Variants in MTUS2 observed in about 807,000 individuals in gnomAD.
MTUS2 encodes microtubule associated scaffold protein 2, also known as microtubule-associated tumor suppressor candidate 2.
Under a neutral mutation model 114.1 loss-of-function variants are expected in MTUS2, and 40 were observed. The ratio of observed to expected loss-of-function variants is 0.35; its 90% CI spans 0.27 to 0.46. The LOEUF is 0.46. MTUS2 is among the 20% of genes least tolerant of loss of function. The pLI is 1.00. For synonymous variants in MTUS2, 688 were observed against 672.0 expected (o/e 1.02, Z -0.37); for missense variants, 1,679 against 1,705.4 (o/e 0.98, Z 0.27).
intron 2 of MTUS2, among the ~76,000 whole-genome samples, chr13:28,941,947 G>GC (rs1446478281): frequency 3.3e-5 from 5 of 152,122 alleles, no homozygotes; most frequent in African/African-American, 1.2e-4. Flanking sequence ...AAATGTTGAT[G>GC]CATTTCATTG....
intron 7 of MTUS2, among the ~76,000 whole-genome samples, chr13:29,327,034 C>A (rs960440980): frequency 6.6e-6 from 1 of 151,982 alleles, no homozygotes; most frequent in Non-Finnish European, 1.5e-5. Flanking sequence ...AGACTGTGTT[C>A]CCTTATTAAA....
chr13:29,034,892 G>T (rs945155510), intron 4 of MTUS2, among the ~76,000 whole-genome samples: 1 of 152,132 alleles, frequency 6.6e-6, no homozygotes, highest in Non-Finnish European at 1.5e-5. Flanking sequence ...CTTGAATTAT[G>T]CACCTTTGAA....
At chr13:29,048,913 G>GCC (rs1292531010) in intron 4 of MTUS2, among the ~76,000 whole-genome samples, 1 of 152,200 alleles carries the variant, frequency 6.6e-6, no homozygotes, top group Non-Finnish European at 1.5e-5. Context: ...ACCATGCTTA[G>GCC]CCCCCATAGT....
At chr13:29,232,299 C>T (rs1261867624) in intron 5 of MTUS2, among the ~76,000 whole-genome samples, 1 of 5,256 alleles carries the variant, frequency 1.9e-4, no homozygotes, top group Non-Finnish European at 3.7e-4. Context: ...CACACACACG[C>T]GCGCGCGCAC....
At chr13:29,200,935 A>C (rs957214554) in intron 5 of MTUS2, among the ~76,000 whole-genome samples, 2 of 152,194 alleles carry the variant, frequency 1.3e-5, no homozygotes, top group Admixed American at 6.5e-5. Context: ...CCAATTAAGT[A>C]GTCAATTTTA....
intron 8 of MTUS2, among the ~76,000 whole-genome samples, chr13:29,407,447 CTTATTTATTTAT>C (rs199911224): frequency 5.2e-3 from 724 of 139,392 alleles, no homozygotes; most frequent in African/African-American, 0.014. Flanking sequence ...AGTGATTGTA[CTTATTTATTTAT>C]TTATTTATTT....
chr13:29,269,509 A>G (rs1897795201), intron 5 of MTUS2, among the ~76,000 whole-genome samples: 1 of 152,234 alleles, frequency 6.6e-6, no homozygotes, highest in Admixed American at 6.5e-5. Context: ...CACCACAAAG[A>G]TAACATTTAA....
chr13:28,860,673 C>G (rs1181451248), intron 2 of MTUS2, among the ~76,000 whole-genome samples: 1 of 152,196 alleles, frequency 6.6e-6, no homozygotes, highest in Admixed American at 6.5e-5. Context: ...CTCCCATCCA[C>G]CTCAGATGTT....
chr13:28,906,095 G>A lies in MTUS2; in HGVS notation c.-243+66245G>A, dbSNP rs746900482. Among the ~76,000 whole-genome samples the A allele has an allele frequency of 6.3e-4, 95 of 151,422 alleles. 1 individual carries two copies. Among genetic ancestry groups the A allele is most frequent in the Non-Finnish European group, 1.1e-3 (77 of 67,896 alleles). Reference sequence around the variant, plus strand: ...AGTTTATATTTCTGTGGGATTGGTGGTGATATCCCCTTTATTATTTTTTAT... The same window carrying A: ...AGTTTATATTTCTGTGGGATTGGTGATGATATCCCCTTTATTATTTTTTAT... On this transcript the variant is annotated intron_variant, in intron 2 of 15. Coordinates refer to ENST00000612955, the MANE Select transcript of MTUS2 (RefSeq NM_001033602.4).
Position 29,495,708 on chromosome 13 carries a change from T to C in MTUS2, c.3580-1530T>C, listed in dbSNP as rs1275300814. On this transcript the variant is annotated intron_variant, in intron 12 of 15. Coordinates refer to ENST00000612955, the MANE Select transcript of MTUS2 (RefSeq NM_001033602.4). ...CAACATGGCAAAACCCCATCTCTAC[T>C]AAAAATACAAACATTAGCTGGGTGT... Among the ~76,000 whole-genome samples the C allele has an allele frequency of 4.6e-5, 7 of 151,644 alleles. No individual in the cohort carries two copies. The East Asian group carries it at 1.2e-3, about 26-fold the overall frequency.
At chr13:29,407,555 G>A (rs1001729719) in intron 8 of MTUS2, among the ~76,000 whole-genome samples, 3 of 151,640 alleles carry the variant, frequency 2.0e-5, no homozygotes, top group Non-Finnish European at 4.4e-5. Flanking sequence ...TTGGCTCACT[G>A]CAGCCTCTGC....
intron 5 of MTUS2, among the ~76,000 whole-genome samples, chr13:29,105,566 C>G (rs1203765155): frequency 2.0e-5 from 3 of 151,818 alleles, no homozygotes; most frequent in African/African-American, 7.3e-5. Flanking sequence ...GCCATGTTTT[C>G]TCCATGGGAT....
In MTUS2 at chr13:28,905,936, G is replaced by GTAA. The variant is rs1287219212; in HGVS notation, c.-243+66087_-243+66088insAAT. Among the ~76,000 whole-genome samples, 5 of 151,728 alleles carry GTAA rather than the reference G, an allele frequency of 3.3e-5. No individual in the cohort carries two copies. The South Asian group carries it at 8.3e-4, about 25-fold the overall frequency. The stretch of plus-strand genomic sequence containing the variant: ...GATTATTGCCACAATTTCAGAGCCT[G>GTAA]TTATTGGTCTATTCAGAGATGCAAC... On this transcript the variant is annotated intron_variant, in intron 2 of 15. Transcript: ENST00000612955.
chr13:29,367,798 GT>G (rs1870848271), intron 8 of MTUS2, among the ~76,000 whole-genome samples: 1 of 151,696 alleles, frequency 6.6e-6, no homozygotes, highest in Non-Finnish European at 1.5e-5. Flanking sequence ...GCTCAGAAAT[GT>G]TTAAAGGGGT....
chr13:29,284,949 A>G (rs111475818), intron 6 of MTUS2, among the ~76,000 whole-genome samples: 2,885 of 152,276 alleles, frequency 0.019, 99 homozygotes, highest in African/African-American at 0.065. Context: ...TCCTTGAAGA[A>G]CCAGCTGTTT....
chr13:29,356,245 G>T (rs748185877), intron 7 of MTUS2, among the ~76,000 whole-genome samples: 3 of 152,156 alleles, frequency 2.0e-5, no homozygotes, highest in Non-Finnish European at 2.9e-5. Context: ...GAGGTCAGGA[G>T]TGGGTCACCA....
chr13:28,881,412 T>C (rs2138139714), intron 2 of MTUS2, among the ~76,000 whole-genome samples: 1 of 152,336 alleles, frequency 6.6e-6, no homozygotes, highest in Non-Finnish European at 1.5e-5. Flanking sequence ...ATGATTTTGC[T>C]GTTGTGAATA....
intron 5 of MTUS2, among the ~76,000 whole-genome samples, chr13:29,190,625 G>C (rs570473848): frequency 6.6e-6 from 1 of 152,334 alleles, no homozygotes; most frequent in African/African-American, 2.4e-5. Flanking sequence ...GAGCAACATT[G>C]TGTTAGTTAG....
chr13:29,381,420 T>G (rs1040639700), intron 8 of MTUS2, among the ~76,000 whole-genome samples: 7 of 152,210 alleles, frequency 4.6e-5, no homozygotes, highest in Non-Finnish European at 4.4e-5. Flanking sequence ...AAGAATTACT[T>G]ATAGGTATTG....
Sources: gnomAD v4.1 joint callset for allele counts (sites outside exome capture counted in the v4.1 genomes callset) on GRCh38, gnomAD v4.1.1 for gene constraint, MANE v1.5 for transcripts, NCBI Gene and HGNC (gene_info 2026-07-23, HGNC 2026-07-21) for gene names.